PCDHA10: variants seen among roughly 807,000 people sequenced by gnomAD.
PCDHA10 encodes the protein protocadherin alpha-10.
A neutral mutation model predicts 61.2 loss-of-function variants in PCDHA10; 45 were observed. That is an observed-to-expected ratio of 0.74 (90% CI 0.58 to 0.94). The LOEUF (loss-of-function observed/expected upper bound fraction) is 0.94, where lower values mean the gene tolerates loss of function less well. Among genes scored for constraint, PCDHA10 ranks in the 40% least tolerant of loss-of-function variants. PCDHA10 has a pLI of 0.00. For synonymous variants in PCDHA10, 602 were observed against 548.8 expected, an observed-to-expected ratio of 1.10 and a Z score of -1.35; for missense variants, 1,278 against 1,236.2, an observed-to-expected ratio of 1.03 and a Z score of -0.51.
chr5:140,883,847 G>A (rs782603246), intron 1 of PCDHA10: 3 of 1,612,878 alleles, frequency 1.9e-6, no homozygotes, highest in Non-Finnish European at 8.5e-7. Flanking sequence ...GGACCACGAG[G>A]AGCTGGAGCT....
intron 1 of PCDHA10, among the ~76,000 whole-genome samples, chr5:140,893,672 T>G (rs1554185735): frequency 6.6e-6 from 1 of 152,216 alleles, no homozygotes; most frequent in African/African-American, 2.4e-5. Flanking sequence ...ATTTCAGCAC[T>G]TTGGATATAT....
At chr5:140,929,191 A>G in intron 1 of PCDHA10, 1 of 1,614,118 alleles carries the variant, frequency 6.2e-7, no homozygotes, top group Non-Finnish European at 8.5e-7. Flanking sequence ...TTCTGATAAT[A>G]ACAGTTTGCT....
Position 140,982,513 on chromosome 5 carries a change from G to A in PCDHA10, c.2486G>A (p.Gly829Asp). Residue 829 changes from glycine (G) to aspartate (D), a missense_variant, in exon 3 of 4, where the codon GGT (glycine) becomes GAT (aspartate). Transcript: ENST00000307360. ...HLEEAGILRA[G>D]PGGPDQQWPT... is the part of the protein sequence containing the mutation. ...GAGGAGGCTGGCATTCTACGGGCTGGTCCAGGAGGGCCTGATCAGCAGTGG... is the reference window on the plus strand; with the variant it reads ...GAGGAGGCTGGCATTCTACGGGCTGATCCAGGAGGGCCTGATCAGCAGTGG... The A allele has an allele frequency of 6.2e-7, 1 of 1,614,194 alleles. No individual in the cohort carries two copies. Among genetic ancestry groups the A allele is most frequent in the Non-Finnish European group, 8.5e-7 (1 of 1,180,032 alleles).
chr5:140,933,567 A>G lies in PCDHA10; in HGVS notation c.2389-45382A>G, dbSNP rs146986632. ...AATATAAAATAAAAACCAATTAAGA[A>G]GTCTTAATAGTGGGTTTTTAGGTTG... On this transcript the variant is annotated intron_variant, in intron 1 of 3. Coordinates refer to ENST00000307360, the MANE Select transcript of PCDHA10 (RefSeq NM_018901.4). Among the ~76,000 whole-genome samples the G allele has an allele frequency of 5.4e-3, 827 of 152,184 alleles. 4 individuals are homozygous for G. Among genetic ancestry groups the G allele is most frequent in the African/African-American group, 0.019 (796 of 41,566 alleles).
At chr5:140,877,193 G>A (rs1554169443) in intron 1 of PCDHA10, 1 of 1,613,832 alleles carries the variant, frequency 6.2e-7, no homozygotes, top group Non-Finnish European at 8.5e-7. Context: ...GGCAGCGCAG[G>A]AGGCGCAGTT....
intron 1 of PCDHA10, among the ~76,000 whole-genome samples, chr5:140,959,768 A>G (rs1554224322): frequency 6.6e-6 from 1 of 152,240 alleles, no homozygotes; most frequent in African/African-American, 2.4e-5. Flanking sequence ...ATATTCAGTA[A>G]GAACAGTGTA....
Position 140,979,012 on chromosome 5 carries a change from G to A in PCDHA10, c.2447+5G>A, listed in dbSNP as rs2096831231. The A allele has an allele frequency of 1.9e-6, 3 of 1,613,794 alleles. No individual in the cohort carries two copies. Among genetic ancestry groups the A allele is most frequent in the African/African-American group, 2.7e-5 (2 of 74,926 alleles). ...CCTGAGAGCAGGCATGCACAGGTAT[G>A]TATTTCCCTCCTCATTCACTCAGAA... On this transcript the variant is annotated splice_donor_5th_base_variant and intron_variant, in intron 2 of 3. Coordinates refer to ENST00000307360, the MANE Select transcript of PCDHA10 (RefSeq NM_018901.4).
intron 1 of PCDHA10, chr5:140,883,740 C>A: frequency 6.2e-7 from 1 of 1,613,368 alleles, no homozygotes; most frequent in Non-Finnish European, 8.5e-7. Context: ...GCGCTGGTCT[C>A]CTACTCGCTG....
At chr5:140,911,384 C>T (rs2075446155) in intron 1 of PCDHA10, among the ~76,000 whole-genome samples, 1 of 152,134 alleles carries the variant, frequency 6.6e-6, no homozygotes, top group Non-Finnish European at 1.5e-5. Flanking sequence ...TGTGCATGCA[C>T]CTTTCATTGC....
At position 141,010,692 on chromosome 5, in the gene PCDHA10, G is replaced by A. The variant is rs1415098319; in HGVS notation, c.*755G>A. The A allele has an allele frequency of 1.9e-5, 3 of 159,998 alleles. No homozygotes were observed. The highest frequency in any genetic ancestry group is 7.2e-5 in the African/African-American group (3 of 41,584). 9.9% of individuals were successfully genotyped at this position (159,998 alleles called of 1,614,324 possible). On this transcript the variant is annotated 3_prime_UTR_variant, in exon 4 of 4. Coordinates refer to ENST00000307360, the MANE Select transcript of PCDHA10 (RefSeq NM_018901.4). ...TGGGAAACAGAAGCAGATCTGATGT[G>A]TTTCCTATACATGTCCTGTGCTCAC...
chr5:140,878,011 A>G (rs1008308579), intron 1 of PCDHA10: 1 of 843,992 alleles, frequency 1.2e-6, no homozygotes, highest in Non-Finnish European at 1.7e-6. Flanking sequence ...TCTAACATTA[A>G]TGAAGGAAAT....
At chr5:140,899,841 T>C (rs2067584927) in intron 1 of PCDHA10, among the ~76,000 whole-genome samples, 1 of 152,208 alleles carries the variant, frequency 6.6e-6, no homozygotes, top group Non-Finnish European at 1.5e-5. Flanking sequence ...CAGGTCTTGC[T>C]GTGTCACCCA....
Position 141,010,026 on chromosome 5 carries a change from T to C in PCDHA10, c.*89T>C. On this transcript the variant is annotated 3_prime_UTR_variant, in exon 4 of 4. Transcript: ENST00000307360. ...AGCAATTCCCTGCTCCTTTTTCCTA[T>C]CTACATGAGCCCTCTTAGAGACCTC... 1 of 1,574,670 alleles carries C rather than the reference T, an allele frequency of 6.4e-7. No homozygotes were observed. The highest frequency in any genetic ancestry group is 8.6e-7 in the Non-Finnish European group (1 of 1,164,154).
At chr5:140,989,940 G>A (rs947716591) in intron 3 of PCDHA10, among the ~76,000 whole-genome samples, 9 of 152,062 alleles carry the variant, frequency 5.9e-5, no homozygotes, top group Admixed American at 1.3e-4. Flanking sequence ...GACATTCCAC[G>A]TTTTTCTCGG....
intron 1 of PCDHA10, among the ~76,000 whole-genome samples, chr5:140,952,792 T>C (rs2094798499): frequency 6.6e-6 from 1 of 152,210 alleles, no homozygotes; most frequent in African/African-American, 2.4e-5. Flanking sequence ...GAGGTTTAAC[T>C]GGCTCGCAGT....
At chr5:140,975,543 T>C (rs1276340507) in intron 1 of PCDHA10, among the ~76,000 whole-genome samples, 2 of 152,206 alleles carry the variant, frequency 1.3e-5, no homozygotes, top group African/African-American at 4.8e-5. Context: ...AATACAGTCC[T>C]ATTAGGAAGG....
rs782420685 is a variant in PCDHA10, at chr5:140,978,941, T to G, written c.2389-8T>G. 1 of 1,614,158 alleles carries G rather than the reference T, an allele frequency of 6.2e-7. No homozygotes were observed. The highest frequency in any genetic ancestry group is 2.2e-5 in the East Asian group (1 of 44,880). On this transcript the variant is annotated splice_region_variant and splice_polypyrimidine_tract_variant and intron_variant, in intron 1 of 3. Transcript: ENST00000307360. ...TTTTAACAGAAAACTCTCTTTGTGA[T>G]TTTGCAGCCACGACAGCCCAACCCT...
At chr5:140,858,468 G>T in intron 1 of PCDHA10, 32 bp downstream of exon 1, 1 of 1,521,202 alleles carries the variant, frequency 6.6e-7, no homozygotes, top group Non-Finnish European at 8.9e-7. Context: ...TTCCTTTTGT[G>T]CTTTATGAAT....
At chr5:140,877,272 C>T in intron 1 of PCDHA10, 3 of 1,613,832 alleles carry the variant, frequency 1.9e-6, no homozygotes, top group Non-Finnish European at 2.5e-6. Flanking sequence ...TGGACGCTGA[C>T]TCCGGCTATA....
Sources: gnomAD v4.1 joint callset for allele counts (sites outside exome capture counted in the v4.1 genomes callset) on GRCh38, gnomAD v4.1.1 for gene constraint, MANE v1.5 for transcripts, NCBI Gene and HGNC (gene_info 2026-07-23, HGNC 2026-07-21) for gene names.